Variants in TTLL6 observed in about 807,000 individuals in gnomAD.
The protein encoded by TTLL6 is tubulin tyrosine ligase like 6.
A neutral mutation model predicts 96.4 loss-of-function variants in TTLL6; 75 were observed. The observed-to-expected ratio is 0.78, with a 90% CI of 0.65 to 0.94. The LOEUF is 0.94. TTLL6 is among the 40% of genes least tolerant of loss of function. TTLL6 has a pLI of 0.00. For missense variants in TTLL6, 1,030 were observed against 1,093.0 expected (o/e 0.94, Z 0.81); for synonymous variants, 411 against 419.4 (o/e 0.98, Z 0.24).
At chr17:48,816,665 TTG>T (rs1198800541) in intron 1 of TTLL6, among the ~76,000 whole-genome samples, 6 of 151,232 alleles carry the variant, frequency 4.0e-5, no homozygotes, top group African/African-American at 1.2e-4. Flanking sequence ...ATGAAGAGAG[TTG>T]TGTGAGTCCC....
intron 6 of TTLL6, among the ~76,000 whole-genome samples, chr17:48,798,612 C>T (rs892823079): frequency 3.9e-5 from 6 of 152,020 alleles, no homozygotes; most frequent in African/African-American, 1.4e-4. Context: ...TGGCATGTGC[C>T]TGTAATCCTA....
chr17:48,795,601 G>A lies in TTLL6; in HGVS notation c.998+460C>T, dbSNP rs577402065. On this transcript the variant is annotated intron_variant, in intron 8 of 15. Coordinates refer to ENST00000393382, the MANE Select transcript of TTLL6 (RefSeq NM_001130918.3). ...CCCCCTTCTGAGGAATCTTCAAGCCGGCTAGCCACATGTCAGGGCACTGTG... is the reference window on the plus strand; with the variant it reads ...CCCCCTTCTGAGGAATCTTCAAGCCAGCTAGCCACATGTCAGGGCACTGTG... 2.3e-4 allele frequency among the ~76,000 whole-genome samples: 35 copies of A among 152,230 alleles called. 1 individual carries two copies. The South Asian group carries it at 4.6e-3, about 20-fold the overall frequency.
chr17:48,793,248 G>C (rs1184270788), intron 8 of TTLL6, among the ~76,000 whole-genome samples: 2 of 152,130 alleles, frequency 1.3e-5, no homozygotes. Context: ...AAGAGGAAAG[G>C]AGAAACAAGA....
At chr17:48,811,273 T>C (rs931836840) in intron 1 of TTLL6, among the ~76,000 whole-genome samples, 8 of 151,876 alleles carry the variant, frequency 5.3e-5, no homozygotes, top group Admixed American at 4.6e-4. Flanking sequence ...TTTTATCATA[T>C]TGGTCAGGCT....
At position 48,804,969 on chromosome 17, in the gene TTLL6, G is replaced by A. The variant is rs2039484867; in HGVS notation, c.126C>T (p.Ala42=). 1.9e-6 allele frequency: 3 copies of A among 1,551,546 alleles called. No individual in the cohort carries two copies. The highest frequency in any genetic ancestry group is 2.6e-6 in the Non-Finnish European group (3 of 1,146,968). Residue 42 remains alanine (A), a synonymous_variant, in exon 2 of 16, where the codon GCC becomes GCT. Transcript: ENST00000393382. The part of the protein sequence containing the change: ...GIAGAWYFPR[A]SSQAREMPQC... ...GTGGCATCTCCCTGGCCTGGGAGGA[G>A]GCTCTGGGGAAATACCAGGCCCCTA... is the stretch of plus-strand genomic sequence containing the variant.
chr17:48,781,696 G>C (rs576295850), intron 13 of TTLL6, among the ~76,000 whole-genome samples: 37 of 152,272 alleles, frequency 2.4e-4, no homozygotes, highest in African/African-American at 8.9e-4. Context: ...TGGATATTAA[G>C]CCTGCTATGG....
intron 15 of TTLL6, among the ~76,000 whole-genome samples, chr17:48,764,187 A>G (rs913542489): frequency 3.3e-5 from 5 of 151,950 alleles, no homozygotes; most frequent in Non-Finnish European, 7.4e-5. Context: ...CTAGAATTCA[A>G]CTCTTATACA....
intron 14 of TTLL6, 27 bp downstream of exon 14, chr17:48,769,701 C>A: frequency 6.2e-7 from 1 of 1,600,426 alleles, no homozygotes; most frequent in Non-Finnish European, 8.5e-7. Flanking sequence ...AAGCTCCTGG[C>A]ACATCCCTGT....
chr17:48,799,801 G>C, intron 5 of TTLL6, 41 bp from the exon 6 acceptor site: 1 of 1,530,806 alleles, frequency 6.5e-7, no homozygotes, highest in Non-Finnish European at 8.8e-7. Flanking sequence ...CTTTAGCTGG[G>C]GAGCAATGAA....
At chr17:48,764,494 G>T (rs2038554502) in intron 15 of TTLL6, among the ~76,000 whole-genome samples, 1 of 152,118 alleles carries the variant, frequency 6.6e-6, no homozygotes, top group Non-Finnish European at 1.5e-5. Context: ...ACCTCACATT[G>T]TCAATGTGAG....
At chr17:48,812,075 C>CT (rs1555569796) in intron 1 of TTLL6, 1 of 107,846 alleles carries the variant, frequency 9.3e-6, no homozygotes, top group African/African-American at 3.5e-5. Flanking sequence ...CCCCCCCCCC[C>CT]ACCCCCCGCT....
intron 15 of TTLL6, among the ~76,000 whole-genome samples, chr17:48,767,841 C>T (rs538601156): frequency 5.9e-5 from 9 of 152,172 alleles, no homozygotes; most frequent in Non-Finnish European, 1.2e-4. Context: ...TTCCACATCT[C>T]AGTCTCTGCT....
chr17:48,784,976 T>C lies in TTLL6; in HGVS notation c.1987A>G (p.Ser663Gly). Reference sequence around the variant, plus strand: ...GAGGCAGACTTGGCCTCCTTGATGCTGAAGTTGGGTTTACTGGGCTCCAAC... The same window carrying C: ...GAGGCAGACTTGGCCTCCTTGATGCCGAAGTTGGGTTTACTGGGCTCCAAC... ...SKLEPSKPNFSIKEAKSASAV... is the reference protein window; with the variant it reads ...SKLEPSKPNFGIKEAKSASAV... The change falls in exon 13 of 16, where the codon AGC becomes GGC. Residue 663 changes from serine (S) to glycine (G), a missense_variant. Coordinates refer to ENST00000393382, the MANE Select transcript of TTLL6 (RefSeq NM_001130918.3). 1 of 1,614,208 alleles carries C rather than the reference T, an allele frequency of 6.2e-7. No homozygotes were observed. Among genetic ancestry groups the C allele is most frequent in the Non-Finnish European group, 8.5e-7 (1 of 1,180,018 alleles).
chr17:48,798,630 T>C (rs1352161675), intron 6 of TTLL6, among the ~76,000 whole-genome samples: 2 of 151,998 alleles, frequency 1.3e-5, no homozygotes, highest in African/African-American at 2.4e-5. Context: ...CTAGCTCTAC[T>C]GGGGAGGCTG....
intron 13 of TTLL6, among the ~76,000 whole-genome samples, 189 bp downstream of exon 13, chr17:48,784,734 G>A (rs140604568): frequency 7.9e-5 from 12 of 152,318 alleles, no homozygotes; most frequent in African/African-American, 2.6e-4. Flanking sequence ...GGACGCACAA[G>A]AGCATCTTCC....
intron 15 of TTLL6, among the ~76,000 whole-genome samples, chr17:48,767,096 G>T (rs1369956376): frequency 1.3e-5 from 2 of 152,042 alleles, no homozygotes; most frequent in Non-Finnish European, 2.9e-5. Flanking sequence ...GTAGAGATGG[G>T]GTTTCACCAT....
At chr17:48,764,207 C>T (rs1045327592) in intron 15 of TTLL6, among the ~76,000 whole-genome samples, 7 of 152,246 alleles carry the variant, frequency 4.6e-5, no homozygotes, top group African/African-American at 1.7e-4. Flanking sequence ...AGATCTGCAC[C>T]ATGGACTCAG....
rs1349816979 is a variant in TTLL6 at position 48,799,699 on chromosome 17, C to G, written c.673G>C (p.Asp225His). The G allele has an allele frequency of 6.4e-7, 1 of 1,551,768 alleles. No homozygotes were observed. The highest frequency in any genetic ancestry group is 1.2e-5 in the South Asian group (1 of 84,060). ...ATACCTTTCCCTTGGCAGCCCGAAT[C>G]CGGCTTACAAATGTATGTCTTATTT... ...RKNKTYICKPDSGCQGKGIFI... is the reference protein window; with the variant it reads ...RKNKTYICKPHSGCQGKGIFI... The change falls in exon 6 of 16, where the codon GAT (aspartate) becomes CAT (histidine). Residue 225 changes from aspartate (D) to histidine (H), a missense_variant. Asp to His is a moderately conservative substitution (Grantham distance 81). Transcript: ENST00000393382.
intron 13 of TTLL6, among the ~76,000 whole-genome samples, chr17:48,780,781 C>T (rs912332402): frequency 6.6e-6 from 1 of 152,218 alleles, no homozygotes; most frequent in Non-Finnish European, 1.5e-5. Context: ...TTAGCATAAA[C>T]ATCCTCAAGG....
Sources: gnomAD v4.1 joint callset for allele counts (sites outside exome capture counted in the v4.1 genomes callset) on GRCh38, gnomAD v4.1.1 for gene constraint, MANE v1.5 for transcripts, NCBI Gene and HGNC (gene_info 2026-07-23, HGNC 2026-07-21) for gene names.